TENM4: variants seen among roughly 807,000 people sequenced by gnomAD.
TENM4 encodes the protein teneurin-4.
Under a neutral mutation model 243.3 loss-of-function variants are expected in TENM4, and 82 were observed. That is an observed-to-expected ratio of 0.34 (90% CI 0.28 to 0.40). The LOEUF is 0.40. TENM4 is among the 10% of genes least tolerant of loss of function. The pLI is 1.00. For synonymous variants in TENM4, 1,412 were observed against 1,456.3 expected (o/e 0.97, Z 0.69); for missense variants, 3,138 against 3,673.3 (o/e 0.85, Z 3.77).
chr11:79,325,835 G>T (rs1180492872), intron 1 of TENM4, among the ~76,000 whole-genome samples: 2 of 152,178 alleles, frequency 1.3e-5, no homozygotes, highest in African/African-American at 4.8e-5. Flanking sequence ...AGCAGTAGAA[G>T]TTACACCACC....
intron 32 of TENM4, among the ~76,000 whole-genome samples, chr11:78,666,371 GT>G (rs1193838410): frequency 6.6e-6 from 1 of 152,138 alleles, no homozygotes; most frequent in African/African-American, 2.4e-5. Flanking sequence ...TTGTCTTCGT[GT>G]TTTATTGCAA....
chr11:79,416,659 G>A (rs1858821227), intron 1 of TENM4, among the ~76,000 whole-genome samples: 1 of 152,114 alleles, frequency 6.6e-6, no homozygotes, highest in Non-Finnish European at 1.5e-5. Context: ...TAACGAGATG[G>A]TATTAAGATC....
intron 3 of TENM4, among the ~76,000 whole-genome samples, chr11:79,204,084 G>C (rs555495122): frequency 1.3e-5 from 2 of 151,744 alleles, no homozygotes; most frequent in Non-Finnish European, 1.5e-5. Flanking sequence ...AGCAGGGATG[G>C]GAATAAGGTG....
At chr11:79,134,470 A>G (rs1256869571) in intron 4 of TENM4, among the ~76,000 whole-genome samples, 1 of 152,194 alleles carries the variant, frequency 6.6e-6, no homozygotes, top group Non-Finnish European at 1.5e-5. Context: ...TACTACCATC[A>G]TTCTTCACAG....
chr11:78,715,398 A>G (rs571909641), intron 25 of TENM4, among the ~76,000 whole-genome samples: 143 of 152,156 alleles, frequency 9.4e-4, no homozygotes, highest in African/African-American at 3.1e-3. Flanking sequence ...AGGGTCCCTG[A>G]GGGGGTATGG....
At chr11:78,673,707 T>C (rs898528592) in intron 30 of TENM4, among the ~76,000 whole-genome samples, 1 of 152,214 alleles carries the variant, frequency 6.6e-6, no homozygotes, top group African/African-American at 2.4e-5. Context: ...AGGTACTGAA[T>C]AGATGGTTGG....
At chr11:78,718,343 C>A (rs2135826761) in intron 25 of TENM4, among the ~76,000 whole-genome samples, 1 of 152,188 alleles carries the variant, frequency 6.6e-6, no homozygotes, top group Non-Finnish European at 1.5e-5. Context: ...CCGAAGAAAA[C>A]AATTAATTGA....
chr11:78,978,564 CTTTT>C (rs946520804), intron 6 of TENM4, among the ~76,000 whole-genome samples: 3 of 151,790 alleles, frequency 2.0e-5, no homozygotes, highest in Admixed American at 2.0e-4. Context: ...TCTACCCATC[CTTTT>C]TTTTCCTGCA....
chr11:79,168,176 C>T (rs17137808), intron 3 of TENM4, among the ~76,000 whole-genome samples: 4,509 of 152,270 alleles, frequency 0.03, 248 homozygotes, highest in African/African-American at 0.1. Flanking sequence ...GACTTCCATT[C>T]CAGCTGGACC....
intron 6 of TENM4, among the ~76,000 whole-genome samples, chr11:79,035,316 A>C (rs985603668): frequency 1.3e-5 from 2 of 152,142 alleles, no homozygotes; most frequent in Non-Finnish European, 2.9e-5. Context: ...CTGTATCCCA[A>C]ACATTACCTT....
intron 1 of TENM4, among the ~76,000 whole-genome samples, chr11:79,317,975 G>A (rs1386362845): frequency 6.6e-6 from 1 of 152,124 alleles, no homozygotes; most frequent in Non-Finnish European, 1.5e-5. Context: ...AAAATGACAT[G>A]TGTTTCTCTA....
chr11:78,800,910 T>G (rs1049688177), intron 15 of TENM4, among the ~76,000 whole-genome samples: 1 of 152,182 alleles, frequency 6.6e-6, no homozygotes, highest in Admixed American at 6.5e-5. Flanking sequence ...TTAATCTTTC[T>G]GAGCTTCAGT....
At chr11:79,417,971 C>G (rs749699008) in intron 1 of TENM4, among the ~76,000 whole-genome samples, 2 of 152,192 alleles carry the variant, frequency 1.3e-5, no homozygotes, top group Non-Finnish European at 2.9e-5. Context: ...GGCACTCTTC[C>G]TGGCTGGGGT....
chr11:78,793,995 A>G (rs997181342), intron 15 of TENM4, among the ~76,000 whole-genome samples: 4 of 152,194 alleles, frequency 2.6e-5, no homozygotes, highest in African/African-American at 9.6e-5. Flanking sequence ...CCTCAACCCA[A>G]TGCTGACTGT....
chr11:79,242,413 A>G (rs1855437903), intron 2 of TENM4, among the ~76,000 whole-genome samples: 2 of 152,334 alleles, frequency 1.3e-5, no homozygotes, highest in African/African-American at 2.4e-5. Context: ...GGTGGAAAGA[A>G]AAGAAGAAAA....
chr11:79,437,487 T>C (rs1345515047), intron 1 of TENM4, among the ~76,000 whole-genome samples: 1 of 152,028 alleles, frequency 6.6e-6, no homozygotes, highest in Non-Finnish European at 1.5e-5. Flanking sequence ...AACGCGGTCT[T>C]CTCGGCTCCA....
At position 78,897,413 on chromosome 11, in the gene TENM4, A is replaced by C. The variant is rs1169335614; in HGVS notation, c.749+5855T>G. ...GTCTTGTGAGTCCCACTAGTAAATC[A>C]TCAAACCTGGGGGTGGGGGCCTGGG... On this transcript the variant is annotated intron_variant, in intron 7 of 33. Transcript: ENST00000278550. Among the ~76,000 whole-genome samples the C allele has an allele frequency of 3.3e-5, 5 of 152,176 alleles. No individual in the cohort carries two copies. The East Asian group carries it at 9.6e-4, about 29-fold the overall frequency.
Position 78,726,137 on chromosome 11 carries a change from G to T in TENM4, c.3492C>A (p.Asp1164Glu). The change falls in exon 23 of 34, where the codon GAC becomes GAA. Residue 1164 changes from aspartate to glutamate, a missense_variant. By Grantham distance (45) the Asp-to-Glu change is conservative (BLOSUM62 2). Around this residue, in one of 2 missense-constraint regions of TENM4, gnomAD observed 2,467 missense variants for 3,059.1 expected, o/e 0.81. Coordinates refer to ENST00000278550, the MANE Select transcript of TENM4 (RefSeq NM_001098816.3). ...RTTVLQGYEI[D>E]ASKLGGWSLD... Reference sequence around the variant, plus strand: ...GGCTCCATCCTCCAAGCTTGGACGCGTCAATTTCATAGCCCTGCAGCACTG... The same window carrying T: ...GGCTCCATCCTCCAAGCTTGGACGCTTCAATTTCATAGCCCTGCAGCACTG... 1 of 1,613,818 alleles carries T rather than the reference G, an allele frequency of 6.2e-7. No homozygotes were observed. Among genetic ancestry groups the T allele is most frequent in the Non-Finnish European group, 8.5e-7 (1 of 1,179,848 alleles).
intron 22 of TENM4, among the ~76,000 whole-genome samples, chr11:78,727,972 C>T (rs1054304820): frequency 6.6e-6 from 1 of 152,216 alleles, no homozygotes; most frequent in Non-Finnish European, 1.5e-5. Flanking sequence ...TCCCTGTGAC[C>T]CCTTCCCCCA....
Sources: allele counts gnomAD v4.1 joint callset (sites outside exome capture counted in the v4.1 genomes callset), GRCh38; gene constraint gnomAD v4.1.1; regional missense constraint gnomAD v4.1.1; transcripts MANE v1.5; gene names NCBI Gene and HGNC (gene_info 2026-07-23, HGNC 2026-07-21).